ADGRG6: variants seen among roughly 807,000 people sequenced by gnomAD.
The protein encoded by ADGRG6 is G-protein coupled receptor 126.
ADGRG6 carries 84 observed loss-of-function variants against 142.4 expected under a neutral mutation model. The observed-to-expected ratio is 0.59, with a 90% CI of 0.49 to 0.71. The LOEUF (loss-of-function observed/expected upper bound fraction) is 0.71. Among genes scored for constraint, ADGRG6 ranks in the 30% least tolerant of loss-of-function variants. The pLI is 0.00. For synonymous variants in ADGRG6, 521 were observed against 520.5 expected (o/e 1.00, Z -0.01); for missense variants, 1,367 against 1,466.6 (o/e 0.93, Z 1.11).
intron 22 of ADGRG6, among the ~76,000 whole-genome samples, chr6:142,436,115 G>C (rs191016940): frequency 3.3e-5 from 5 of 152,188 alleles, no homozygotes; most frequent in South Asian, 2.1e-4. Flanking sequence ...GAATCCTGGT[G>C]GGGGGTAGGG....
chr6:142,316,715 G>A (rs1181348700), intron 2 of ADGRG6, among the ~76,000 whole-genome samples: 4 of 152,086 alleles, frequency 2.6e-5, no homozygotes, highest in Non-Finnish European at 5.9e-5. Flanking sequence ...TTAAGGCAGA[G>A]TTTCTGATCA....
intron 22 of ADGRG6, among the ~76,000 whole-genome samples, chr6:142,423,339 TG>T (rs1374182675): frequency 6.6e-6 from 1 of 150,928 alleles, no homozygotes; most frequent in Non-Finnish European, 1.5e-5. Flanking sequence ...AATTGATTTT[TG>T]TATAAGGTGT....
intron 14 of ADGRG6, chr6:142,405,346 T>C (rs1003585218): frequency 1.1e-5 from 5 of 465,688 alleles, no homozygotes; most frequent in Non-Finnish European, 1.7e-5. Context: ...CCCATAGTTA[T>C]TATCTTTCAC....
rs1326772302 is a variant in ADGRG6, at chr6:142,443,538, A to G, written c.*23A>G. Reference sequence around the variant, plus strand: ...TAATGTCTTTAAGAAAAAGAAATCAATCTGCAGAAATGTGAAGATTTGCAA... The same window carrying G: ...TAATGTCTTTAAGAAAAAGAAATCAGTCTGCAGAAATGTGAAGATTTGCAA... On this transcript the variant is annotated 3_prime_UTR_variant, in exon 25 of 25. Coordinates refer to ENST00000367609, the MANE Select transcript of ADGRG6 (RefSeq NM_198569.3). 4 of 1,550,762 alleles carry G rather than the reference A, an allele frequency of 2.6e-6. No individual in the cohort carries two copies. In the African/African-American group the frequency reaches 4.1e-5, roughly 16 times the overall value.
intron 7 of ADGRG6, 82 bp downstream of exon 7, chr6:142,390,425 C>G: frequency 1.4e-6 from 1 of 713,532 alleles, no homozygotes; most frequent in Non-Finnish European, 2.5e-6. Context: ...ACTGAATCCA[C>G]AGATCATACT....
intron 7 of ADGRG6, among the ~76,000 whole-genome samples, chr6:142,390,890 A>G (rs1774860119): frequency 6.6e-6 from 1 of 151,800 alleles, no homozygotes; most frequent in Non-Finnish European, 1.5e-5. Context: ...TTTACACGAA[A>G]AGTAGTATAC....
At chr6:142,373,079 C>G (rs1376488529) in intron 4 of ADGRG6, among the ~76,000 whole-genome samples, 1 of 152,086 alleles carries the variant, frequency 6.6e-6, no homozygotes, top group Non-Finnish European at 1.5e-5. Context: ...ATAATTGATC[C>G]TATTTTGCAA....
intron 24 of ADGRG6, among the ~76,000 whole-genome samples, chr6:142,442,093 A>G (rs897376319): frequency 1.3e-5 from 2 of 152,142 alleles, no homozygotes; most frequent in Non-Finnish European, 2.9e-5. Context: ...GCTTTTACCA[A>G]TTATTGATGG....
intron 12 of ADGRG6, 144 bp downstream of exon 12, chr6:142,402,202 G>A: frequency 1.8e-6 from 1 of 541,708 alleles, no homozygotes; most frequent in South Asian, 3.1e-5. Context: ...ACTTAAGACA[G>A]AAAATACTTT....
At chr6:142,325,952 G>A (rs2114635401) in intron 2 of ADGRG6, among the ~76,000 whole-genome samples, 1 of 151,398 alleles carries the variant, frequency 6.6e-6, no homozygotes, top group Non-Finnish European at 1.5e-5. Flanking sequence ...AACTATGTAA[G>A]GTAGAAAAAA....
intron 3 of ADGRG6, 107 bp downstream of exon 3, chr6:142,368,017 G>C (rs1010726541): frequency 3.1e-6 from 2 of 652,764 alleles, no homozygotes; most frequent in Admixed American, 5.6e-5. Flanking sequence ...GAATGTGAAT[G>C]ATTAGGATTG....
chr6:142,431,777 G>A (rs1777218035), intron 22 of ADGRG6, among the ~76,000 whole-genome samples: 1 of 151,992 alleles, frequency 6.6e-6, no homozygotes, highest in African/African-American at 2.4e-5. Flanking sequence ...ACAAAAATTA[G>A]CCAGGGGTGG....
chr6:142,364,593 C>T (rs990989264), intron 2 of ADGRG6, among the ~76,000 whole-genome samples: 1 of 152,192 alleles, frequency 6.6e-6, no homozygotes, highest in Non-Finnish European at 1.5e-5. Context: ...CCATGTTATC[C>T]TCCCAATAAC....
At chr6:142,394,331 G>T (rs1775059970) in intron 9 of ADGRG6, among the ~76,000 whole-genome samples, 2 of 152,046 alleles carry the variant, frequency 1.3e-5, no homozygotes, top group Admixed American at 1.3e-4. Context: ...ATGGATAATA[G>T]ATGCCTAAAT....
chr6:142,400,438 T>TA lies in ADGRG6; in HGVS notation c.1568-41dup, dbSNP rs35102532. The stretch of plus-strand genomic sequence containing the variant: ...ATCCTGCATCTCTAATCTCTAACTT[T>TA]AAAAAATAGGTGAATATTTCTCATG... On this transcript the variant is annotated intron_variant, in intron 10 of 24. Transcript: ENST00000367609. The TA allele has an allele frequency of 1.6e-4, 145 of 933,982 alleles. No homozygotes were observed. In the East Asian group the frequency reaches 2.7e-3, roughly 17 times the overall value. 57.9% of individuals were successfully genotyped at this position (933,982 alleles called of 1,614,324 possible).
rs1003607945 is a variant in ADGRG6 at position 142,370,591 on chromosome 6, G to A, written c.867G>A (p.Gly289=). The change falls in exon 4 of 25, where the codon GGG becomes GGA. Residue 289 remains glycine, a synonymous_variant. Coordinates refer to ENST00000367609, the MANE Select transcript of ADGRG6 (RefSeq NM_198569.3). ...STISKVIPGN[G]KLLLGSNQNE... ...TTAGTAAAGTTATTCCTGGGAATGG[G>A]AAATTGTTGTTGGGCTCCAATCAAA... The A allele has an allele frequency of 1.9e-6, 3 of 1,612,298 alleles. No individual in the cohort carries two copies. The highest frequency in any genetic ancestry group is 1.7e-5 in the Admixed American group (1 of 59,970).
chr6:142,421,522 T>C (rs6929442), intron 22 of ADGRG6, among the ~76,000 whole-genome samples: 60,212 of 152,036 alleles, frequency 0.4, 13,586 homozygotes, highest in African/African-American at 0.62. Context: ...ATAAAAGTGC[T>C]TAAATAAATA....
chr6:142,302,556 C>A, intron 1 of ADGRG6: 1 of 522,752 alleles, frequency 1.9e-6, no homozygotes, highest in Non-Finnish European at 3.3e-6. Flanking sequence ...TTTTTTTTCC[C>A]CCAGCGAGGT....
intron 22 of ADGRG6, among the ~76,000 whole-genome samples, chr6:142,436,021 C>A (rs888781864): frequency 6.6e-6 from 1 of 152,008 alleles, no homozygotes; most frequent in Admixed American, 6.6e-5. Context: ...ATCGCAAGGA[C>A]TTCTGTTCAG....
Sources: allele counts gnomAD v4.1 joint callset (sites outside exome capture counted in the v4.1 genomes callset), GRCh38; gene constraint gnomAD v4.1.1; transcripts MANE v1.5; gene names NCBI Gene and HGNC (gene_info 2026-07-23, HGNC 2026-07-21).